The following WDPCP variants were observed in gnomAD, a reference collection of about 807,000 sequenced individuals.
WDPCP encodes WD repeat containing planar cell polarity effector.
A neutral mutation model predicts 93.1 loss-of-function variants in WDPCP; 71 were observed. The observed-to-expected ratio is 0.76, with a 90% confidence interval of 0.63 to 0.93. The LOEUF (loss-of-function observed/expected upper bound fraction) is 0.93, where lower values mean the gene tolerates loss of function less well. Ranked by LOEUF, WDPCP falls within the 40% of genes least tolerant of loss-of-function variation. The pLI, the probability that WDPCP is intolerant of heterozygous loss-of-function variation, is 0.00. For synonymous variants in WDPCP, 315 were observed against 315.0 expected, an observed-to-expected ratio of 1.00 and a Z score of 0.00; for missense variants, 844 against 887.4, an observed-to-expected ratio of 0.95 and a Z score of 0.62.
Position 63,750,792 on chromosome 2 carries a change from G to C in WDPCP, n.308+62830C>G, listed in dbSNP as rs542105101. ...AATGTGGTTATAGTGATAAATTTGT[G>C]GGTGTTAAACCAATCTTACATTTTT... On this transcript the variant is annotated intron_variant and non_coding_transcript_variant, in intron 2 of 4. Transcript: ENST00000467687. 4.6e-5 allele frequency among the ~76,000 whole-genome samples: 7 copies of C among 152,094 alleles called. 1 individual carries two copies. In the South Asian group the frequency reaches 1.5e-3, roughly 32 times the overall value.
intron 3 of WDPCP, chr2:63,606,067 T>G (rs770747272): frequency 6.6e-7 from 1 of 1,525,888 alleles, no homozygotes; most frequent in East Asian, 2.2e-5. Context: ...TTTGAGGAAG[T>G]AGTTATATGT....
At chr2:63,155,517 AT>A (rs1242873693) in intron 15 of WDPCP, among the ~76,000 whole-genome samples, 1 of 151,914 alleles carries the variant, frequency 6.6e-6, no homozygotes, top group Non-Finnish European at 1.5e-5. Flanking sequence ...TAATACTGTA[AT>A]TTCTTGATTA....
intron 2 of WDPCP, among the ~76,000 whole-genome samples, chr2:63,680,438 C>T (rs148071978): frequency 1.7e-4 from 26 of 152,298 alleles, no homozygotes; most frequent in African/African-American, 6.3e-4. Flanking sequence ...GCTGCCCTGT[C>T]ACAGTGGAAA....
chr2:63,789,317 T>C (rs532501053), intron 2 of WDPCP, among the ~76,000 whole-genome samples: 1 of 152,320 alleles, frequency 6.6e-6, no homozygotes, highest in Admixed American at 6.5e-5. Flanking sequence ...GTATTTTTTT[T>C]CTTAGCAAGG....
chr2:63,394,899 G>A (rs185839856), intron 10 of WDPCP, among the ~76,000 whole-genome samples: 2 of 152,216 alleles, frequency 1.3e-5, no homozygotes, highest in East Asian at 1.9e-4. Context: ...GGTGAAGGGT[G>A]GGAGGATGGT....
chr2:63,262,539 CAAAAAAAA>C (rs5831658), intron 13 of WDPCP, among the ~76,000 whole-genome samples: 4 of 130,086 alleles, frequency 3.1e-5, no homozygotes, highest in Non-Finnish European at 6.6e-5. Flanking sequence ...CCATATAAGC[CAAAAAAAA>C]AAAAAAAAAG....
At chr2:63,345,116 T>A (rs933237653) in intron 12 of WDPCP, among the ~76,000 whole-genome samples, 1 of 152,208 alleles carries the variant, frequency 6.6e-6, no homozygotes, top group Admixed American at 6.5e-5. Flanking sequence ...TTTAATGATA[T>A]CACTCCTGCT....
chr2:63,228,609 T>A (rs1043411763), intron 14 of WDPCP: 1 of 140,494 alleles, frequency 7.1e-6, no homozygotes, highest in Non-Finnish European at 1.5e-5. Flanking sequence ...CAGTCCCCGG[T>A]GTGTGATGTT....
intron 3 of WDPCP, among the ~76,000 whole-genome samples, chr2:63,628,484 TC>T (rs1709833038): frequency 6.6e-6 from 1 of 152,142 alleles, no homozygotes; most frequent in Non-Finnish European, 1.5e-5. Flanking sequence ...CTTAAAATAA[TC>T]GATTTAAAAA....
intron 1 of WDPCP, among the ~76,000 whole-genome samples, chr2:63,538,962 C>G (rs945479469): frequency 6.6e-6 from 1 of 152,092 alleles, no homozygotes; most frequent in Non-Finnish European, 1.5e-5. Context: ...CAATATAACA[C>G]CAGTCATTAA....
At chr2:63,580,151 G>A (rs1337907233) in intron 1 of WDPCP, among the ~76,000 whole-genome samples, 3 of 152,162 alleles carry the variant, frequency 2.0e-5, no homozygotes, top group Non-Finnish European at 4.4e-5. Context: ...TTTGTTATAT[G>A]TAGGAGCAGC....
intron 14 of WDPCP, among the ~76,000 whole-genome samples, chr2:63,217,607 T>G (rs1415856855): frequency 6.6e-6 from 1 of 152,178 alleles, no homozygotes; most frequent in Non-Finnish European, 1.5e-5. Context: ...TGAAATAGCT[T>G]TCTTTCTCCT....
chr2:63,231,029 C>CATCA lies in WDPCP; in HGVS notation c.1915+28274_1915+28277dup, dbSNP rs962783209. Among the ~76,000 whole-genome samples the CATCA allele has an allele frequency of 1.4e-4, 21 of 152,254 alleles. 1 individual carries two copies. Among genetic ancestry groups the CATCA allele is most frequent in the African/African-American group, 4.6e-4 (19 of 41,562 alleles). ...TACTGGCAAACTGAATCCAGCAGCA[C>CATCA]ATCAAAAAGCTTATCCACCACGATC... On this transcript the variant is annotated intron_variant, in intron 14 of 17. Transcript: ENST00000272321.
At chr2:63,548,471 A>G (rs928308809) in intron 1 of WDPCP, among the ~76,000 whole-genome samples, 12 of 152,180 alleles carry the variant, frequency 7.9e-5, no homozygotes, top group Non-Finnish European at 1.5e-4. Flanking sequence ...GAAAAAAAAA[A>G]TCATAATAGA....
chr2:63,759,477 T>C (rs564409418), intron 2 of WDPCP, among the ~76,000 whole-genome samples: 126 of 152,278 alleles, frequency 8.3e-4, no homozygotes, highest in South Asian at 1.7e-3. Flanking sequence ...AAAACAAAAA[T>C]GTGAGGCTTT....
At chr2:63,389,533 T>A (rs1460661211) in intron 10 of WDPCP, among the ~76,000 whole-genome samples, 1 of 152,050 alleles carries the variant, frequency 6.6e-6, no homozygotes, top group East Asian at 1.9e-4. Context: ...CAGGATCACA[T>A]TCACACATAA....
chr2:63,510,755 CA>C (rs763685424), intron 1 of WDPCP, among the ~76,000 whole-genome samples: 76 of 152,168 alleles, frequency 5.0e-4, no homozygotes, highest in Non-Finnish European at 9.3e-4. Flanking sequence ...AGGCAGATCA[CA>C]AGTTCAGGTA....
At chr2:63,509,603 G>T (rs1702099079) in intron 1 of WDPCP, among the ~76,000 whole-genome samples, 1 of 152,062 alleles carries the variant, frequency 6.6e-6, no homozygotes. Flanking sequence ...AGGAGATAGA[G>T]ACACAAAAAA....
chr2:63,153,615 AAAG>A (rs1672030387), intron 15 of WDPCP, 41 bp from the exon 16 acceptor site: 2 of 1,492,316 alleles, frequency 1.3e-6, no homozygotes, highest in African/African-American at 2.8e-5. Context: ...AAGGATTAAA[AAAG>A]AAAATTTTAA....
Sources: gnomAD v4.1 joint callset for allele counts (sites outside exome capture counted in the v4.1 genomes callset) on GRCh38, gnomAD v4.1.1 for gene constraint, MANE v1.5 for transcripts, NCBI Gene and HGNC (gene_info 2026-07-23, HGNC 2026-07-21) for gene names.